DSCAM: variants seen among roughly 807,000 people sequenced by gnomAD.
DSCAM encodes cell adhesion molecule DSCAM.
In DSCAM, 47 loss-of-function variants were observed where a neutral mutation model predicts 217.7. That is an observed-to-expected ratio of 0.22 (90% CI 0.17 to 0.28). The LOEUF (loss-of-function observed/expected upper bound fraction) is 0.28, where lower values mean the gene tolerates loss of function less well. Among genes scored for constraint, DSCAM ranks in the 10% least tolerant of loss-of-function variants. DSCAM has a pLI of 1.00. For missense variants in DSCAM, 2,080 were observed against 2,618.3 expected (o/e 0.79, Z 4.49); for synonymous variants, 1,056 against 1,015.3 (o/e 1.04, Z -0.76).
At chr21:40,191,632 A>C (rs935581999) in intron 11 of DSCAM, among the ~76,000 whole-genome samples, 2 of 152,182 alleles carry the variant, frequency 1.3e-5, no homozygotes, top group Admixed American at 6.5e-5. Context: ...CCTGTAACAA[A>C]TTACTAGAAT....
rs186549826 is a variant in DSCAM, at chr21:40,280,714, G to A, written c.2183-4444C>T. ...CTAAACATAAAATAATGTAGCCTTC[G>A]TTTTTATGCAAATGGACTTTATTAA... On this transcript the variant is annotated intron_variant, in intron 10 of 32. Transcript: ENST00000400454. Among the ~76,000 whole-genome samples the A allele has an allele frequency of 5.3e-5, 8 of 152,290 alleles. No individual in the cohort carries two copies. The East Asian group carries it at 5.8e-4, about 11-fold the overall frequency.
intron 27 of DSCAM, among the ~76,000 whole-genome samples, chr21:40,070,333 AAGGTAGGGAAGGAGGG>A (rs910282141): frequency 7.1e-6 from 1 of 141,226 alleles, no homozygotes; most frequent in Non-Finnish European, 1.5e-5. Flanking sequence ...GGAAAGAAGG[AAGGTAGGGAAGGAGGG>A]AGGGAGGGAA....
At chr21:40,687,035 C>A (rs542139050) in intron 3 of DSCAM, among the ~76,000 whole-genome samples, 30 of 152,156 alleles carry the variant, frequency 2.0e-4, no homozygotes, top group Non-Finnish European at 4.1e-4. Context: ...TAATTCCAGT[C>A]TGATGTGCAC....
At chr21:40,665,885 G>T (rs1231921082) in intron 3 of DSCAM, among the ~76,000 whole-genome samples, 2 of 152,198 alleles carry the variant, frequency 1.3e-5, no homozygotes, top group African/African-American at 4.8e-5. Context: ...CAGAACCATG[G>T]TTAGGCACGC....
chr21:40,427,156 C>T (rs1344109683), intron 3 of DSCAM, among the ~76,000 whole-genome samples: 2 of 152,198 alleles, frequency 1.3e-5, no homozygotes, highest in Non-Finnish European at 2.9e-5. Context: ...GGTGGCCCAG[C>T]TGACTGCTGC....
At chr21:40,376,158 G>A (rs1185518774) in intron 3 of DSCAM, among the ~76,000 whole-genome samples, 1 of 152,090 alleles carries the variant, frequency 6.6e-6, no homozygotes, top group Non-Finnish European at 1.5e-5. Flanking sequence ...AGATGGCTCT[G>A]CTAATAAGAT....
At chr21:40,240,068 G>C (rs1427220319) in intron 11 of DSCAM, among the ~76,000 whole-genome samples, 1 of 152,202 alleles carries the variant, frequency 6.6e-6, no homozygotes, top group African/African-American at 2.4e-5. Context: ...CAAATTGCCA[G>C]GGTACAACCC....
At chr21:40,792,077 G>A (rs183089000) in intron 1 of DSCAM, among the ~76,000 whole-genome samples, 1 of 151,108 alleles carries the variant, frequency 6.6e-6, no homozygotes, top group South Asian at 2.1e-4. Context: ...GTCTTCCTCC[G>A]CACGTCTTCA....
intron 10 of DSCAM, 141 bp downstream of exon 10, chr21:40,295,914 T>C (rs1337178454): frequency 9.6e-7 from 1 of 1,044,472 alleles, no homozygotes; most frequent in Non-Finnish European, 1.4e-6. Context: ...GGAATGTCTA[T>C]GAGAGAATGA....
chr21:40,294,775 A>T (rs1417245337), intron 10 of DSCAM, among the ~76,000 whole-genome samples: 5 of 152,252 alleles, frequency 3.3e-5, no homozygotes, highest in African/African-American at 9.6e-5. Context: ...GTAATAATGC[A>T]CAATGGAGCT....
intron 1 of DSCAM, among the ~76,000 whole-genome samples, chr21:40,780,443 A>ATATATATATATATATATC (rs1157668991): frequency 7.0e-6 from 1 of 143,546 alleles, no homozygotes; most frequent in African/African-American, 2.5e-5. Flanking sequence ...ATATATATAT[A>ATATATATATATATATATC]TATATCTCCT....
At chr21:40,775,559 T>C (rs749056178) in intron 1 of DSCAM, among the ~76,000 whole-genome samples, 2 of 152,124 alleles carry the variant, frequency 1.3e-5, no homozygotes, top group Non-Finnish European at 2.9e-5. Context: ...AACAAAAGCT[T>C]ACAACGGATT....
intron 10 of DSCAM, among the ~76,000 whole-genome samples, chr21:40,282,569 C>T (rs1164362825): frequency 1.2e-3 from 129 of 110,868 alleles, no homozygotes; most frequent in African/African-American, 4.2e-3. Context: ...CCAGCCTGGG[C>T]GAAAGAGCGA....
chr21:40,111,242 G>A (rs1317780505), intron 20 of DSCAM, among the ~76,000 whole-genome samples: 14 of 152,208 alleles, frequency 9.2e-5, no homozygotes, highest in Non-Finnish European at 2.1e-4. Flanking sequence ...CAAGCCAGAA[G>A]AGAGTGGGGG....
chr21:40,224,910 C>T (rs1201505679), intron 11 of DSCAM, among the ~76,000 whole-genome samples: 2 of 152,202 alleles, frequency 1.3e-5, no homozygotes, highest in African/African-American at 4.8e-5. Context: ...AATTGTCGGT[C>T]ACCTGAACAT....
At chr21:40,381,185 A>G (rs182906662) in intron 3 of DSCAM, among the ~76,000 whole-genome samples, 4 of 152,276 alleles carry the variant, frequency 2.6e-5, no homozygotes, top group East Asian at 3.9e-4. Flanking sequence ...AGAGCCCTGA[A>G]CAGGTGAAGA....
intron 3 of DSCAM, among the ~76,000 whole-genome samples, chr21:40,439,710 T>A (rs2075614128): frequency 6.6e-6 from 1 of 152,168 alleles, no homozygotes; most frequent in African/African-American, 2.4e-5. Context: ...GCCCTCACAG[T>A]TATGATGGCA....
chr21:40,272,385 C>T (rs1318908501), intron 11 of DSCAM, among the ~76,000 whole-genome samples: 1 of 152,208 alleles, frequency 6.6e-6, no homozygotes, highest in African/African-American at 2.4e-5. Flanking sequence ...AGTAACCTTC[C>T]ATCCCATTGA....
intron 3 of DSCAM, among the ~76,000 whole-genome samples, chr21:40,620,069 G>A (rs1370351322): frequency 8.7e-4 from 54 of 61,898 alleles, no homozygotes; most frequent in East Asian, 6.0e-3. Flanking sequence ...GAAAGAAAGA[G>A]AGAAAGAGAA....
Sources: gnomAD v4.1 joint callset for allele counts (sites outside exome capture counted in the v4.1 genomes callset) on GRCh38, gnomAD v4.1.1 for gene constraint, MANE v1.5 for transcripts, NCBI Gene and HGNC (gene_info 2026-07-23, HGNC 2026-07-21) for gene names.